CSMD3: variants seen among roughly 807,000 people sequenced by gnomAD.
The protein encoded by CSMD3 is CUB and Sushi multiple domains 3, also known as CUB and sushi domain-containing protein 3.
A neutral mutation model predicts 435.2 loss-of-function variants in CSMD3; 177 were observed. The ratio of observed to expected loss-of-function variants is 0.41; its 90% CI spans 0.36 to 0.46. The LOEUF (loss-of-function observed/expected upper bound fraction) is 0.46, where lower values mean the gene tolerates loss of function less well. Among genes scored for constraint, CSMD3 ranks in the 20% least tolerant of loss-of-function variants. The pLI is 0.34. For synonymous variants in CSMD3, 1,656 were observed against 1,520.5 expected (o/e 1.09, Z -2.07); for missense variants, 4,265 against 4,504.6 (o/e 0.95, Z 1.52).
chr8:112,616,220 G>A lies in CSMD3; in HGVS notation c.3715+20597C>T, dbSNP rs143804042. Among the ~76,000 whole-genome samples, 257 of 151,726 alleles carry A rather than the reference G, an allele frequency of 1.7e-3. 3 individuals carry two copies. The highest frequency in any genetic ancestry group is 6.0e-3 in the African/African-American group (247 of 41,306). The stretch of plus-strand genomic sequence containing the variant: ...CTGTGTAGATTAAATAAGTTAGCAT[G>A]CATAATGGATTTGGAACAGAGTCGT... On this transcript the variant is annotated intron_variant, in intron 22 of 70. Coordinates refer to ENST00000297405, the MANE Select transcript of CSMD3 (RefSeq NM_198123.2).
At chr8:112,961,573 A>C in intron 7 of CSMD3, among the ~76,000 whole-genome samples, 1 of 151,902 alleles carries the variant, frequency 6.6e-6, no homozygotes, top group East Asian at 1.9e-4. Context: ...GCTAAGAAAT[A>C]AGTGTAAATT....
chr8:113,231,364 T>C (rs1208326836), intron 3 of CSMD3, among the ~76,000 whole-genome samples: 3 of 151,272 alleles, frequency 2.0e-5, no homozygotes, highest in Admixed American at 1.3e-4. Context: ...TCTAAAAGCA[T>C]AACGTAAATT....
Position 113,207,337 on chromosome 8 carries a change from C to A in CSMD3, c.515-33421G>T, listed in dbSNP as rs527874553. On this transcript the variant is annotated intron_variant, in intron 3 of 70. Coordinates refer to ENST00000297405, the MANE Select transcript of CSMD3 (RefSeq NM_198123.2). ...TTTTCAACAAGAATTTTTTCCCAAACTTCTGATCTTTTTTTCTCCCGAAAT... is the reference window on the plus strand; with the variant it reads ...TTTTCAACAAGAATTTTTTCCCAAAATTCTGATCTTTTTTTCTCCCGAAAT... Among the ~76,000 whole-genome samples, 3 of 151,394 alleles carry A rather than the reference C, an allele frequency of 2.0e-5. No homozygotes were observed. The East Asian group carries it at 5.8e-4, about 29-fold the overall frequency.
chr8:112,354,324 A>G (rs745692132), intron 38 of CSMD3, among the ~76,000 whole-genome samples: 21 of 152,226 alleles, frequency 1.4e-4, no homozygotes, highest in Admixed American at 3.3e-4. Flanking sequence ...TGTACTCAAC[A>G]TAATTCTGGA....
At chr8:113,218,834 T>A (rs2092935453) in intron 3 of CSMD3, among the ~76,000 whole-genome samples, 1 of 151,346 alleles carries the variant, frequency 6.6e-6, no homozygotes, top group South Asian at 2.1e-4. Flanking sequence ...AACATTTGCA[T>A]ATAAATAATG....
At chr8:112,726,309 T>G (rs1362289803) in intron 13 of CSMD3, among the ~76,000 whole-genome samples, 1 of 151,946 alleles carries the variant, frequency 6.6e-6, no homozygotes, top group African/African-American at 2.4e-5. Context: ...TACTTTCTGC[T>G]GAAAAATAAC....
intron 35 of CSMD3, among the ~76,000 whole-genome samples, chr8:112,405,234 T>TATATGTATATATATATATATATAC (rs1831725946): frequency 2.1e-5 from 2 of 93,578 alleles, no homozygotes; most frequent in African/African-American, 9.5e-5. Flanking sequence ...TATATATATA[T>TATATGTATATATATATATATATAC]ATATATATAT....
At chr8:112,620,265 G>A (rs1381834678) in intron 22 of CSMD3, among the ~76,000 whole-genome samples, 2 of 151,922 alleles carry the variant, frequency 1.3e-5, no homozygotes, top group African/African-American at 4.8e-5. Context: ...GACATTTGGG[G>A]GAAATTTTTG....
chr8:113,197,928 C>T (rs1247637340), intron 3 of CSMD3, among the ~76,000 whole-genome samples: 1 of 151,166 alleles, frequency 6.6e-6, no homozygotes, highest in Non-Finnish European at 1.5e-5. Flanking sequence ...TAAGAGGATT[C>T]AGCACTGGTG....
intron 5 of CSMD3, among the ~76,000 whole-genome samples, chr8:113,036,237 C>G (rs1436644409): frequency 2.6e-5 from 4 of 151,922 alleles, no homozygotes; most frequent in African/African-American, 7.2e-5. Context: ...AAATGTTGAA[C>G]ATGAAATAAA....
intron 61 of CSMD3, among the ~76,000 whole-genome samples, chr8:112,263,341 A>T (rs1485766337): frequency 1.3e-5 from 2 of 152,160 alleles, no homozygotes; most frequent in Non-Finnish European, 2.9e-5. Context: ...CGGCTAAGAC[A>T]AAAAGGACAT....
intron 5 of CSMD3, among the ~76,000 whole-genome samples, chr8:113,082,287 C>T (rs2089597453): frequency 6.6e-6 from 1 of 152,182 alleles, no homozygotes; most frequent in African/African-American, 2.4e-5. Context: ...CCCCGATCAG[C>T]TTGTCCACTG....
At chr8:113,354,648 G>GT (rs1481434932) in intron 1 of CSMD3, among the ~76,000 whole-genome samples, 9 of 152,092 alleles carry the variant, frequency 5.9e-5, no homozygotes, top group Non-Finnish European at 2.9e-5. Flanking sequence ...GTTTTTGTTT[G>GT]TTTTTTCTTG....
intron 1 of CSMD3, among the ~76,000 whole-genome samples, chr8:113,421,044 C>T (rs1227953652): frequency 6.6e-6 from 1 of 150,856 alleles, no homozygotes; most frequent in Non-Finnish European, 1.5e-5. Context: ...CATTATAAAA[C>T]CTAAACCTGA....
chr8:113,220,163 G>A (rs1308722515), intron 3 of CSMD3, among the ~76,000 whole-genome samples: 12 of 151,366 alleles, frequency 7.9e-5, no homozygotes, highest in Non-Finnish European at 1.0e-4. Flanking sequence ...CAAACTGCAG[G>A]TGAAGATTAC....
At chr8:113,394,354 G>A (rs1563777900) in intron 1 of CSMD3, among the ~76,000 whole-genome samples, 1 of 152,014 alleles carries the variant, frequency 6.6e-6, no homozygotes, top group South Asian at 2.1e-4. Context: ...ATTTTTCATA[G>A]AAATTCTTTT....
At chr8:113,216,360 G>A (rs1156938751) in intron 3 of CSMD3, among the ~76,000 whole-genome samples, 2 of 151,742 alleles carry the variant, frequency 1.3e-5, no homozygotes, top group Non-Finnish European at 2.9e-5. Context: ...TTTCATATGG[G>A]CATTGAGATA....
chr8:112,483,111 G>A (rs1032324506), intron 31 of CSMD3, among the ~76,000 whole-genome samples: 1 of 152,086 alleles, frequency 6.6e-6, no homozygotes, highest in Non-Finnish European at 1.5e-5. Context: ...CTAAATACAT[G>A]GAGTATAAAA....
At chr8:112,836,966 T>C (rs1375799948) in intron 11 of CSMD3, among the ~76,000 whole-genome samples, 1 of 151,844 alleles carries the variant, frequency 6.6e-6, no homozygotes, top group Non-Finnish European at 1.5e-5. Flanking sequence ...CATGCTATTC[T>C]ACGTTAACAA....
Sources: gnomAD v4.1 joint callset for allele counts (sites outside exome capture counted in the v4.1 genomes callset) on GRCh38, gnomAD v4.1.1 for gene constraint, MANE v1.5 for transcripts, NCBI Gene and HGNC (gene_info 2026-07-23, HGNC 2026-07-21) for gene names.